NBEAL1: variants seen among roughly 807,000 people sequenced by gnomAD.
The protein encoded by NBEAL1 is neurobeachin-like protein 1.
A neutral mutation model predicts 351.3 loss-of-function variants in NBEAL1; 273 were observed. The ratio of observed to expected loss-of-function variants is 0.78; its 90% CI spans 0.70 to 0.86. The LOEUF is 0.86. Among genes scored for constraint, NBEAL1 ranks in the 40% least tolerant of loss-of-function variants. The probability of loss-of-function intolerance (pLI) is 0.00; values close to 1 mark genes in which losing one functional copy is unlikely to be tolerated. For synonymous variants in NBEAL1, 1,050 were observed against 1,086.4 expected (o/e 0.97, Z 0.66); for missense variants, 2,961 against 3,201.3 (o/e 0.92, Z 1.81).
rs1039061992 is a variant in NBEAL1, at chr2:203,224,166, A to G, written c.*6812A>G. On this transcript the variant is annotated 3_prime_UTR_variant, in exon 56 of 56. Transcript: ENST00000683969. Reference sequence around the variant, plus strand: ...TACTATTAAAGATCTTTTATATTTTAAACTGTTTTTTTCCTATTCTGCTTT... The same window carrying G: ...TACTATTAAAGATCTTTTATATTTTGAACTGTTTTTTTCCTATTCTGCTTT... Among the ~76,000 whole-genome samples, 1 of 152,048 alleles carries G rather than the reference A, an allele frequency of 6.6e-6. No individual in the cohort carries two copies. Among genetic ancestry groups the G allele is most frequent in the Non-Finnish European group, 1.5e-5 (1 of 67,910 alleles).
intron 55 of NBEAL1, among the ~76,000 whole-genome samples, chr2:203,214,573 G>A (rs751219778): frequency 2.0e-5 from 3 of 152,114 alleles, no homozygotes; most frequent in Non-Finnish European, 4.4e-5. Flanking sequence ...TCAGGAGTTC[G>A]AGACCAGCCT....
At chr2:203,021,503 G>A (rs2060771357) in intron 2 of NBEAL1, among the ~76,000 whole-genome samples, 1 of 151,932 alleles carries the variant, frequency 6.6e-6, no homozygotes, top group Admixed American at 6.6e-5. Flanking sequence ...GATAGGGTGG[G>A]AGGATTGCTT....
chr2:203,086,827 G>C (rs4606902), intron 10 of NBEAL1, among the ~76,000 whole-genome samples: 71,344 of 152,078 alleles, frequency 0.47, 18,114 homozygotes, highest in Middle Eastern at 0.68. Context: ...GAGCCACCGT[G>C]CCCGGCCTGC....
chr2:203,143,485 G>A (rs777394898), intron 31 of NBEAL1, among the ~76,000 whole-genome samples: 6 of 145,126 alleles, frequency 4.1e-5, no homozygotes, highest in Non-Finnish European at 5.9e-5. Flanking sequence ...GAATTTCATA[G>A]TTAAGGTGAG....
chr2:203,190,977 C>T, intron 46 of NBEAL1: 2 of 1,607,384 alleles, frequency 1.2e-6, no homozygotes, highest in African/African-American at 1.3e-5. Flanking sequence ...CCATTCAGAA[C>T]AGACAGGCCC....
chr2:203,155,638 A>G (rs112816780), intron 35 of NBEAL1, among the ~76,000 whole-genome samples: 7 of 152,062 alleles, frequency 4.6e-5, no homozygotes, highest in African/African-American at 1.7e-4. Flanking sequence ...TGTAGAGACA[A>G]GGTCGCCCTC....
At chr2:203,086,076 T>C (rs1196890027) in intron 10 of NBEAL1, 2 of 152,238 alleles carry the variant, frequency 1.3e-5, no homozygotes, top group Non-Finnish European at 2.9e-5. Context: ...TTAATGCAGA[T>C]TTGTAGAAAC....
intron 12 of NBEAL1, among the ~76,000 whole-genome samples, chr2:203,106,235 ACTC>A (rs1319244038): frequency 1.5e-4 from 23 of 151,948 alleles, no homozygotes; most frequent in African/African-American, 5.6e-4. Flanking sequence ...ATTACTTTAC[ACTC>A]TTATCTGCCA....
intron 2 of NBEAL1, among the ~76,000 whole-genome samples, chr2:203,032,822 G>T (rs988100281): frequency 4.0e-5 from 6 of 149,164 alleles, no homozygotes; most frequent in Admixed American, 6.7e-5. Context: ...ACACCACCAC[G>T]CCTGGCTAGT....
intron 31 of NBEAL1, among the ~76,000 whole-genome samples, chr2:203,139,899 C>T (rs1372779554): frequency 6.6e-6 from 1 of 151,938 alleles, no homozygotes; most frequent in Non-Finnish European, 1.5e-5. Flanking sequence ...TCTGATGATT[C>T]TATTTTTTAT....
In NBEAL1 at chr2:203,183,289, G is replaced by T; in HGVS notation, c.6606G>T (p.Leu2202Phe). 1 of 1,564,358 alleles carries T rather than the reference G, an allele frequency of 6.4e-7. No homozygotes were observed. The highest frequency in any genetic ancestry group is 1.2e-5 in the South Asian group (1 of 83,872). Reference protein sequence around the residue: ...EFLENQNQFNLGRLQISKELV... With the variant: ...EFLENQNQFNFGRLQISKELV... ...TTTTACATGTCTTAGAATTTAACTT[G>T]GGTCGTCTACAGATTTCCAAAGAAT... is the stretch of plus-strand genomic sequence containing the variant. Residue 2202 changes from leucine (L) to phenylalanine (F), a missense_variant, in exon 44 of 56, where the codon TTG (leucine) becomes TTT (phenylalanine). By Grantham distance (22) the Leu-to-Phe change is conservative (BLOSUM62 0). Transcript: ENST00000683969.
intron 38 of NBEAL1, among the ~76,000 whole-genome samples, chr2:203,169,388 T>TAAAA (rs1208449990): frequency 6.7e-5 from 6 of 89,602 alleles, no homozygotes; most frequent in East Asian, 6.6e-4. Context: ...TTGAATATAG[T>TAAAA]AAAAAAAAAA....
chr2:203,057,829 T>TC (rs1267970228), intron 6 of NBEAL1, among the ~76,000 whole-genome samples: 5 of 150,660 alleles, frequency 3.3e-5, no homozygotes, highest in African/African-American at 1.2e-4. Flanking sequence ...TTTTTCTTTT[T>TC]TTTTTTTTTG....
intron 51 of NBEAL1, among the ~76,000 whole-genome samples, chr2:203,207,850 TG>T (rs968291747): frequency 1.3e-5 from 2 of 151,980 alleles, no homozygotes; most frequent in African/African-American, 4.8e-5. Context: ...ATTAGTGGCC[TG>T]GAAAAAAAGA....
chr2:203,182,986 G>A (rs1032364554), intron 43 of NBEAL1: 4 of 185,976 alleles, frequency 2.2e-5, no homozygotes, highest in African/African-American at 7.1e-5. Context: ...ATTATTTTAA[G>A]TGTAAGAAGA....
In NBEAL1 at chr2:203,062,507, G is replaced by C. The variant is rs903243361; in HGVS notation, c.515+5054G>C. 7.2e-6 allele frequency: 2 copies of C among 276,576 alleles called. No homozygotes were observed. The highest frequency in any genetic ancestry group is 4.6e-5 in the African/African-American group (2 of 43,496). The allele number at this position is 276,576 out of a possible 1,614,324, so 17.1% of individuals were successfully genotyped here. A position where few individuals can be genotyped will look rare whatever the true frequency, so the allele number is the denominator to read the frequency against. On this transcript the variant is annotated intron_variant, in intron 6 of 55. Transcript: ENST00000683969. The surrounding 1 kb of genome is among the most constrained non-coding windows in gnomAD (Gnocchi z 4.2). ...CCAGAACCACCTAAGGCCTCTCAGA[G>C]CTGAGGAGAGGGAGCCCAAGCTAGG... is the stretch of plus-strand genomic sequence containing the variant.
chr2:203,082,265 A>T (rs772318696), intron 8 of NBEAL1, among the ~76,000 whole-genome samples: 4 of 152,196 alleles, frequency 2.6e-5, no homozygotes, highest in African/African-American at 9.6e-5. Context: ...ATGTGAATTT[A>T]TTCTGGGTGG....
In NBEAL1 at chr2:203,145,093, A is replaced by G; in HGVS notation, c.5237A>G (p.Tyr1746Cys). ...ATGGCACTTTATTGGAAGGATTGTT[A>G]TGAAGCTTTAATGGTAAATATGCAT... Reference protein sequence around the residue: ...ENMALYWKDCYEALMVNMHKR... With the variant: ...ENMALYWKDCCEALMVNMHKR... The change falls in exon 33 of 56, where the codon TAT becomes TGT. Residue 1746 changes from tyrosine to cysteine, a missense_variant. Coordinates refer to ENST00000683969, the MANE Select transcript of NBEAL1 (RefSeq NM_001378026.1). The G allele has an allele frequency of 6.2e-7, 1 of 1,613,510 alleles. No individual in the cohort carries two copies. The highest frequency in any genetic ancestry group is 8.5e-7 in the Non-Finnish European group (1 of 1,179,786).
intron 10 of NBEAL1, among the ~76,000 whole-genome samples, chr2:203,095,089 A>T (rs1489401833): frequency 6.6e-6 from 1 of 151,698 alleles, no homozygotes; most frequent in African/African-American, 2.4e-5. Context: ...GTGCCATTGC[A>T]CTCCAGCCTG....
Sources: gnomAD v4.1 joint callset for allele counts (sites outside exome capture counted in the v4.1 genomes callset) on GRCh38, gnomAD v4.1.1 for gene constraint, Gnocchi (gnomAD v3.1) non-coding constraint, MANE v1.5 for transcripts, NCBI Gene and HGNC (gene_info 2026-07-23, HGNC 2026-07-21) for gene names.